Variants in SEPTIN4 observed in about 807,000 individuals in gnomAD.
SEPTIN4 encodes septin-4.
In SEPTIN4, 52 loss-of-function variants were observed where a neutral mutation model predicts 107.1. The ratio of observed to expected loss-of-function variants is 0.49; its 90% CI spans 0.39 to 0.61. SEPTIN4 has a LOEUF of 0.61. Ranked by LOEUF, SEPTIN4 falls within the 20% of genes least tolerant of loss-of-function variation. The pLI, the probability that SEPTIN4 is intolerant of heterozygous loss-of-function variation, is 0.00. For missense variants in SEPTIN4, 1,048 were observed against 1,243.5 expected (o/e 0.84, Z 2.36); for synonymous variants, 417 against 467.0 (o/e 0.89, Z 1.38).
Position 58,521,933 on chromosome 17 carries a change from C to T in SEPTIN4, c.2351+34G>A, listed in dbSNP as rs895183052. Reference sequence around the variant, plus strand: ...CTTGGCCTGTTCCCTTGACAGCACCCGGTGGTGCCAGGAGCCTCAGGCTTG... The same window carrying T: ...CTTGGCCTGTTCCCTTGACAGCACCTGGTGGTGCCAGGAGCCTCAGGCTTG... On this transcript the variant is annotated intron_variant, in intron 8 of 13. Coordinates refer to ENST00000672673, the MANE Select transcript of SEPTIN4 (RefSeq NM_001368771.2). This position sits in a 1 kb window ranked among gnomAD's most constrained non-coding sequence, Gnocchi z 6.4. 7.4e-6 allele frequency: 12 copies of T among 1,614,110 alleles called. No homozygotes were observed. Among genetic ancestry groups the T allele is most frequent in the African/African-American group, 5.3e-5 (4 of 74,920 alleles).
At position 58,520,260 on chromosome 17, in the gene SEPTIN4, C is replaced by G. The variant is rs563417422; in HGVS notation, c.*166G>C. 2 of 632,878 alleles carry G rather than the reference C, an allele frequency of 3.2e-6. No homozygotes were observed. The highest frequency in any genetic ancestry group is 4.0e-5 in the South Asian group (2 of 50,200). 39.2% of individuals were successfully genotyped at this position (632,878 alleles called of 1,614,324 possible). ...ATACACACAGGGACACCAGAAGCCA[C>G]CTACAGATTTATTAAACTTTATTTC... On this transcript the variant is annotated 3_prime_UTR_variant, in exon 14 of 14. Transcript: ENST00000672673.
In SEPTIN4 at chr17:58,521,806, A is replaced by G; in HGVS notation, c.2399T>C (p.Val800Ala). The change falls in exon 9 of 14, where the codon GTC becomes GCC. Residue 800 changes from valine (V) to alanine (A), a missense_variant. Physicochemically the swap from Val to Ala is moderately conservative, Grantham distance 64 (BLOSUM62 0). Around this residue, in one of 2 missense-constraint regions of SEPTIN4, gnomAD observed 261 missense variants for 371.7 expected, o/e 0.70. Coordinates refer to ENST00000672673, the MANE Select transcript of SEPTIN4 (RefSeq NM_001368771.2). This position sits in a 1 kb window ranked among gnomAD's most constrained non-coding sequence, Gnocchi z 6.4. ...CTTAGCCAGGATAGGCACGATGTTG[A>G]CCCGCTGATGCAGGGCCTTCATGAA... ...VEFMKALHQR[V>A]NIVPILAKAD... 6.2e-7 allele frequency: 1 copy of G among 1,614,066 alleles called. No homozygotes were observed. Among genetic ancestry groups the G allele is most frequent in the South Asian group, 1.1e-5 (1 of 91,072 alleles).
intron 3 of SEPTIN4, among the ~76,000 whole-genome samples, chr17:58,534,117 A>G (rs1818290202): frequency 6.6e-6 from 1 of 152,220 alleles, no homozygotes; most frequent in Admixed American, 6.5e-5. Context: ...TGAGGCCCCA[A>G]GCAAGTCCTG....
rs761828197 is a variant in SEPTIN4, at chr17:58,543,872, C to T, written c.315G>A (p.Lys105=). 2.5e-6 allele frequency: 4 copies of T among 1,613,968 alleles called. No individual in the cohort carries two copies. ...ESSRHSSPHL[K]SQKTQTLASH... is the part of the protein sequence containing the mutation. The stretch of plus-strand genomic sequence containing the variant: ...AAGCCAGTGTCTGAGTCTTCTGGCT[C>T]TTTAGATGGGGAGAGGAATGGCGGG... The change falls in exon 1 of 14, where the codon AAG becomes AAA. Residue 105 remains lysine (K), a synonymous_variant. Transcript: ENST00000672673.
chr17:58,539,337 G>T (rs577891627), intron 3 of SEPTIN4: 180 of 553,380 alleles, frequency 3.3e-4, no homozygotes, highest in African/African-American at 3.1e-3. Flanking sequence ...ACAGGGAGGA[G>T]CCTGCTCAGT....
At position 58,520,292 on chromosome 17, in the gene SEPTIN4, G is replaced by C. The variant is rs1259243579; in HGVS notation, c.*134C>G. On this transcript the variant is annotated 3_prime_UTR_variant, in exon 14 of 14. Transcript: ENST00000672673. Reference sequence around the variant, plus strand: ...ATTTATTAAACTTTATTTCCTCTGAGTCTCTGGGCAGTCAGCAGGGATGTA... The same window carrying C: ...ATTTATTAAACTTTATTTCCTCTGACTCTCTGGGCAGTCAGCAGGGATGTA... 4.1e-6 allele frequency: 3 copies of C among 731,392 alleles called. No homozygotes were observed. In the Admixed American group the frequency reaches 8.0e-5, roughly 20 times the overall value. The allele number at this position is 731,392 out of a possible 1,614,324, so 45.3% of individuals were successfully genotyped here. A position where few individuals can be genotyped will look rare whatever the true frequency, so the allele number is the denominator to read the frequency against.
At position 58,543,059 on chromosome 17, in the gene SEPTIN4, G is replaced by T; in HGVS notation, c.1128C>A (p.Thr376=). Residue 376 remains threonine (T), a synonymous_variant, in exon 1 of 14, where the codon ACC becomes ACA. Transcript: ENST00000672673. ...VTPEPIYKQQ[T]QKPPEITYMS... is the part of the protein sequence containing the mutation. Reference sequence around the variant, plus strand: ...TGTAAGTAATTTCTGGGGGTTTTTGGGTTTGCTGTTTATAGATGGGCTCTG... The same window carrying T: ...TGTAAGTAATTTCTGGGGGTTTTTGTGTTTGCTGTTTATAGATGGGCTCTG... The T allele has an allele frequency of 1.9e-6, 3 of 1,611,368 alleles. No individual in the cohort carries two copies. The highest frequency in any genetic ancestry group is 2.5e-6 in the Non-Finnish European group (3 of 1,178,994).
chr17:58,535,592 G>A (rs995258945), intron 3 of SEPTIN4, among the ~76,000 whole-genome samples: 4 of 152,162 alleles, frequency 2.6e-5, no homozygotes, highest in African/African-American at 9.7e-5. Flanking sequence ...GTCTTTCCCT[G>A]GCTTTTACCC....
At chr17:58,540,152 A>G (rs2043838006) in intron 3 of SEPTIN4, among the ~76,000 whole-genome samples, 1 of 152,242 alleles carries the variant, frequency 6.6e-6, no homozygotes, top group Non-Finnish European at 1.5e-5. Context: ...GGAACAATGC[A>G]GCGAAATCAG....
chr17:58,523,337 T>A (rs1291282852), intron 7 of SEPTIN4, among the ~76,000 whole-genome samples: 12 of 146,922 alleles, frequency 8.2e-5, no homozygotes, highest in African/African-American at 3.1e-4. Flanking sequence ...GCCACTGCAC[T>A]CTAGCCTGGG....
At chr17:58,531,916 AC>A in intron 3 of SEPTIN4, 2 of 1,133,500 alleles carry the variant, frequency 1.8e-6, no homozygotes, top group Non-Finnish European at 1.1e-6. Context: ...GGCCCTGCGC[AC>A]CCCAGCCCTG....
chr17:58,537,753 C>T (rs572754505), intron 3 of SEPTIN4, among the ~76,000 whole-genome samples: 3 of 150,726 alleles, frequency 2.0e-5, no homozygotes, highest in Admixed American at 2.0e-4. Flanking sequence ...TCACTTGAAC[C>T]CAGAAGGCAG....
chr17:58,527,220 G>T, intron 3 of SEPTIN4: 1 of 765,090 alleles, frequency 1.3e-6, no homozygotes, highest in African/African-American at 1.7e-5. Flanking sequence ...AGAGCCCTGG[G>T]CACCCCCAGA....
chr17:58,532,028 G>A, intron 3 of SEPTIN4: 2 of 1,129,634 alleles, frequency 1.8e-6, no homozygotes, highest in Non-Finnish European at 2.2e-6. Context: ...GCGGAGCTGC[G>A]CGCCGACCTC....
chr17:58,523,236 G>A (rs1366408524), intron 7 of SEPTIN4, among the ~76,000 whole-genome samples: 3 of 152,102 alleles, frequency 2.0e-5, no homozygotes, highest in Non-Finnish European at 4.4e-5. Context: ...TTAGCTTGGT[G>A]TGGTGGCATA....
intron 3 of SEPTIN4, chr17:58,539,093 CA>C: frequency 1.3e-6 from 2 of 1,495,644 alleles, no homozygotes; most frequent in South Asian, 2.4e-5. Flanking sequence ...GCACCTGGCC[CA>C]TCTCCATGCC....
At position 58,521,117 on chromosome 17, in the gene SEPTIN4, C is replaced by A; in HGVS notation, c.2712G>T (p.Met904Ile). The A allele has an allele frequency of 1.2e-6, 2 of 1,614,186 alleles. No homozygotes were observed. The highest frequency in any genetic ancestry group is 1.3e-5 in the African/African-American group (1 of 75,030). Residue 904 changes from methionine (M) to isoleucine (I), a missense_variant, in exon 12 of 14, where the codon ATG (methionine) becomes ATT (isoleucine). By Grantham distance (10) the Met-to-Ile change is conservative. Around this residue, in one of 2 missense-constraint regions of SEPTIN4, gnomAD observed 261 missense variants for 371.7 expected, o/e 0.70. Transcript: ENST00000672673. The surrounding 1 kb of genome is among the most constrained non-coding windows in gnomAD (Gnocchi z 6.4). Reference protein sequence around the residue: ...GHCDFVKLRTMLVRTHMQDLK... With the variant: ...GHCDFVKLRTILVRTHMQDLK... ...GGTCCTGCATGTGGGTACGTACCAG[C>A]ATTGTCCTCAGCTTCACAAAGTCGC...
intron 3 of SEPTIN4, chr17:58,529,409 G>C: frequency 2.1e-6 from 3 of 1,407,640 alleles, no homozygotes; most frequent in South Asian, 3.0e-5. Context: ...CACCCTCCAA[G>C]GACAGCTCAG....
rs200694402 is a variant in SEPTIN4 at position 58,521,211 on chromosome 17, C to T, written c.2668+43G>A. On this transcript the variant is annotated intron_variant, in intron 11 of 13. Transcript: ENST00000672673. The surrounding 1 kb of genome is among the most constrained non-coding windows in gnomAD (Gnocchi z 6.4). ...CAGAGGCATAGGTAGGGGAGAGCCA[C>T]TGAGGGCAAGGAGATACCCTGGTCA... is the stretch of plus-strand genomic sequence containing the variant. 41 of 1,614,146 alleles carry T rather than the reference C, an allele frequency of 2.5e-5. No homozygotes were observed. In the East Asian group the frequency reaches 9.1e-4, roughly 36 times the overall value.
Sources: allele counts gnomAD v4.1 joint callset (sites outside exome capture counted in the v4.1 genomes callset), GRCh38; gene constraint gnomAD v4.1.1; regional missense constraint gnomAD v4.1.1; non-coding constraint Gnocchi (gnomAD v3.1); transcripts MANE v1.5; gene names NCBI Gene and HGNC (gene_info 2026-07-23, HGNC 2026-07-21).